The following SH3KBP1 variants were observed in gnomAD, a reference collection of about 807,000 sequenced individuals.
The protein encoded by SH3KBP1 is SH3 domain containing kinase binding protein 1.
SH3KBP1 carries 8 observed loss-of-function variants against 50.1 expected under a neutral mutation model. The observed-to-expected ratio is 0.16, with a 90% CI of 0.09 to 0.29. The LOEUF (loss-of-function observed/expected upper bound fraction) is 0.29, where lower values mean the gene tolerates loss of function less well. SH3KBP1 is among the 10% of genes least tolerant of loss of function. SH3KBP1 has a pLI of 1.00. For synonymous variants in SH3KBP1, 227 were observed against 218.6 expected (o/e 1.04, Z -0.34); for missense variants, 377 against 535.2 (o/e 0.70, Z 2.92).
At chrX:19,878,557 TATC>T (rs2069333923) in intron 1 of SH3KBP1, among the ~76,000 whole-genome samples, 1 of 104,845 alleles carries the variant, frequency 9.5e-6, no homozygotes, top group Non-Finnish European at 1.9e-5. Flanking sequence ...CCCAAGGAAA[TATC>T]AACCAAAAAC....
chrX:19,776,704 T>C (rs775704836), intron 2 of SH3KBP1, among the ~76,000 whole-genome samples: 12 of 107,402 alleles, frequency 1.1e-4, no homozygotes, highest in Non-Finnish European at 2.1e-4. Flanking sequence ...CACACCACCA[T>C]GTCCAGCTAA....
At chrX:19,551,869 T>C (rs1031448538) in intron 13 of SH3KBP1, among the ~76,000 whole-genome samples, 4 of 110,908 alleles carry the variant, frequency 3.6e-5, no homozygotes, top group African/African-American at 1.3e-4. Context: ...CCATCTGACA[T>C]GAACACCCCC....
chrX:19,648,135 T>C lies in SH3KBP1; in HGVS notation c.727-2660A>G, dbSNP rs532635194. Reference sequence around the variant, plus strand: ...TGGCCTAAGAACTTGTCATTGCTACTAAATGACTCAGTTCAGAGAGGAACT... The same window carrying C: ...TGGCCTAAGAACTTGTCATTGCTACCAAATGACTCAGTTCAGAGAGGAACT... On this transcript the variant is annotated intron_variant, in intron 6 of 17. Transcript: ENST00000397821. 8.4e-3 allele frequency: 3,079 copies of C among 367,299 alleles called. 45 individuals carry two copies. The highest frequency in any genetic ancestry group is 0.072 in the South Asian group (2,976 of 41,236). 30.3% of individuals were successfully genotyped at this position (367,299 alleles called of 1,213,427 possible). A position where few individuals can be genotyped will look rare whatever the true frequency, so the allele number is the denominator to read the frequency against.
At chrX:19,716,647 T>C (rs2063918601) in intron 3 of SH3KBP1, among the ~76,000 whole-genome samples, 1 of 111,227 alleles carries the variant, frequency 9.0e-6, no homozygotes, top group Non-Finnish European at 1.9e-5. Flanking sequence ...ACCTTCATCT[T>C]GGAAAAGAAA....
chrX:19,763,637 T>C (rs920598154), intron 2 of SH3KBP1, among the ~76,000 whole-genome samples: 2 of 112,408 alleles, frequency 1.8e-5, no homozygotes, highest in African/African-American at 6.5e-5. Flanking sequence ...GTCTCTAATT[T>C]CTATGTAGTA....
chrX:19,781,099 A>T (rs2066162890), intron 2 of SH3KBP1, among the ~76,000 whole-genome samples: 1 of 112,094 alleles, frequency 8.9e-6, no homozygotes, highest in Non-Finnish European at 1.9e-5. Context: ...AATGAGATTT[A>T]AAATGTTCTC....
At chrX:19,616,253 C>T (rs776820560) in intron 8 of SH3KBP1, among the ~76,000 whole-genome samples, 3 of 111,987 alleles carry the variant, frequency 2.7e-5, no homozygotes, top group East Asian at 5.6e-4. Flanking sequence ...TGAGCCACCA[C>T]GCCTGACTGG....
chrX:19,742,763 A>C (rs59157603), intron 3 of SH3KBP1, among the ~76,000 whole-genome samples: 21,931 of 111,217 alleles, frequency 0.2, 1,792 homozygotes, highest in African/African-American at 0.29. Context: ...TGAAGAAAAC[A>C]TACAACTCTT....
At chrX:19,794,884 A>C (rs1475593843) in intron 2 of SH3KBP1, among the ~76,000 whole-genome samples, 2 of 111,032 alleles carry the variant, frequency 1.8e-5, no homozygotes, top group African/African-American at 6.6e-5. Flanking sequence ...CTTAGTGCCC[A>C]GGCATGACTC....
rs1384534624 is a variant in SH3KBP1 at position 19,535,740 on chromosome X, A to G, written c.*677T>C. 9.0e-6 allele frequency: 1 copy of G among 111,261 alleles called. No homozygotes were observed. Among genetic ancestry groups the G allele is most frequent in the Non-Finnish European group, 1.9e-5 (1 of 53,008 alleles). 9.2% of individuals were successfully genotyped at this position (111,261 alleles called of 1,213,427 possible). A position where few individuals can be genotyped will look rare whatever the true frequency, so the allele number is the denominator to read the frequency against. Reference sequence around the variant, plus strand: ...TTTTTTGAATCATGGTAGCTGCATCACAAAAGCTCCAATCAAGAGGGTGGT... The same window carrying G: ...TTTTTTGAATCATGGTAGCTGCATCGCAAAAGCTCCAATCAAGAGGGTGGT... On this transcript the variant is annotated 3_prime_UTR_variant, in exon 18 of 18. Transcript: ENST00000397821.
intron 1 of SH3KBP1, among the ~76,000 whole-genome samples, chrX:19,866,494 C>G (rs1158728253): frequency 9.1e-6 from 1 of 109,823 alleles, no homozygotes; most frequent in African/African-American, 3.3e-5. Flanking sequence ...TTGAGACCAG[C>G]CTGGGCAACA....
chrX:19,620,172 TTTA>T (rs1302066688), intron 8 of SH3KBP1, among the ~76,000 whole-genome samples: 9 of 112,207 alleles, frequency 8.0e-5, no homozygotes, highest in Non-Finnish European at 1.3e-4. Flanking sequence ...TAAAGCATTT[TTTA>T]TTATTATGTT....
chrX:19,707,926 T>C (rs1278481372), intron 3 of SH3KBP1, among the ~76,000 whole-genome samples: 1 of 112,727 alleles, frequency 8.9e-6, no homozygotes, highest in Admixed American at 9.3e-5. Context: ...GAGACCGACA[T>C]TGCTCAGAAG....
chrX:19,574,831 C>G (rs1022254235), intron 12 of SH3KBP1, among the ~76,000 whole-genome samples: 3 of 112,157 alleles, frequency 2.7e-5, no homozygotes, highest in African/African-American at 9.7e-5. Context: ...TGTGTCCTCT[C>G]AAAATTTATA....
At chrX:19,630,448 AAGC>A in intron 8 of SH3KBP1, among the ~76,000 whole-genome samples, 1 of 112,492 alleles carries the variant, frequency 8.9e-6, no homozygotes, top group East Asian at 2.8e-4. Flanking sequence ...GTGTGTCAGA[AAGC>A]AATCTGAAAG....
At chrX:19,854,376 A>G (rs766693868) in intron 1 of SH3KBP1, among the ~76,000 whole-genome samples, 7 of 111,207 alleles carry the variant, frequency 6.3e-5, no homozygotes, top group Non-Finnish European at 9.4e-5. Flanking sequence ...CTCACCTCCC[A>G]AAGTGCTGGG....
chrX:19,653,488 G>A (rs1178821566), intron 6 of SH3KBP1, among the ~76,000 whole-genome samples: 4 of 110,298 alleles, frequency 3.6e-5, no homozygotes, highest in African/African-American at 9.9e-5. Flanking sequence ...CGAGGCAGGC[G>A]GATCATGAGG....
intron 8 of SH3KBP1, among the ~76,000 whole-genome samples, chrX:19,610,361 C>T (rs1189126811): frequency 9.0e-6 from 1 of 111,106 alleles, no homozygotes; most frequent in Non-Finnish European, 1.9e-5. Context: ...TAGGATGTTA[C>T]AAACATTATC....
intron 13 of SH3KBP1, among the ~76,000 whole-genome samples, chrX:19,563,259 C>T (rs1266432917): frequency 8.9e-6 from 1 of 112,051 alleles, no homozygotes; most frequent in Admixed American, 9.4e-5. Context: ...AGATCAGGCC[C>T]TTCAAAGGGC....
Sources: allele counts gnomAD v4.1 joint callset (sites outside exome capture counted in the v4.1 genomes callset), GRCh38; gene constraint gnomAD v4.1.1; transcripts MANE v1.5; gene names NCBI Gene and HGNC (gene_info 2026-07-23, HGNC 2026-07-21).